CIBAR2: variants seen among roughly 807,000 people sequenced by gnomAD.
The protein encoded by CIBAR2 is CBY1-interacting BAR domain-containing protein 2.
CIBAR2 carries 38 observed loss-of-function variants against 36.2 expected under a neutral mutation model. The observed-to-expected ratio is 1.05, with a 90% CI of 0.81 to 1.38. The LOEUF (loss-of-function observed/expected upper bound fraction) is 1.38, where lower values mean the gene tolerates loss of function less well. Ranked by LOEUF, CIBAR2 falls within the 40% of genes most tolerant of loss-of-function variation. The probability of loss-of-function intolerance (pLI) is 0.00; values close to 1 mark genes in which losing one functional copy is unlikely to be tolerated. For synonymous variants in CIBAR2, 182 were observed against 149.5 expected (o/e 1.22, Z -1.58); for missense variants, 481 against 383.4 (o/e 1.25, Z -2.13).
intron 2 of CIBAR2, 37 bp downstream of exon 2, chr16:85,110,189 C>A (rs1236993892): frequency 6.8e-6 from 10 of 1,476,496 alleles, no homozygotes; most frequent in Non-Finnish European, 9.2e-6. Context: ...AGCCTGGGTA[C>A]CCCTCAGCAT....
intron 5 of CIBAR2, 70 bp downstream of exon 5, chr16:85,107,597 G>C: frequency 6.5e-7 from 1 of 1,543,068 alleles, no homozygotes; most frequent in Non-Finnish European, 9.0e-7. Flanking sequence ...AAGTCTACCT[G>C]GCCGTTTTGT....
Position 85,098,898 on chromosome 16 carries a change from C to T in CIBAR2, c.*287G>A, listed in dbSNP as rs563417939. ...AGAGGCTAGGAGACTTTCCCAAGGT[C>T]ACACCGCCGGGAGCAGTGGGCTCGG... On this transcript the variant is annotated 3_prime_UTR_variant, in exon 9 of 9. Transcript: ENST00000539556. 155 of 273,104 alleles carry T rather than the reference C, an allele frequency of 5.7e-4. 1 individual carries two copies. Among genetic ancestry groups the T allele is most frequent in the South Asian group, 2.2e-3 (36 of 16,058 alleles). 16.9% of individuals were successfully genotyped at this position (273,104 alleles called of 1,614,324 possible). A position where few individuals can be genotyped will look rare whatever the true frequency, so the allele number is the denominator to read the frequency against.
Position 85,100,249 on chromosome 16 carries a change from G to T in CIBAR2, c.652-9C>A, listed in dbSNP as rs373626017. On this transcript the variant is annotated splice_polypyrimidine_tract_variant and intron_variant, in intron 7 of 8. Transcript: ENST00000539556. ...ATCTTGGCTCTAAAATCCTGCCGGG[G>T]AGAGACCAGGGTGGGTGGGATCCGA... is the stretch of plus-strand genomic sequence containing the variant. 243 of 1,591,600 alleles carry T rather than the reference G, an allele frequency of 1.5e-4. 1 individual carries two copies. Among genetic ancestry groups the T allele is most frequent in the Non-Finnish European group, 2.0e-4 (230 of 1,165,628 alleles).
Position 85,111,231 on chromosome 16 carries a change from G to A in CIBAR2, c.21-771C>T, listed in dbSNP as rs949059698. Among the ~76,000 whole-genome samples the A allele has an allele frequency of 2.6e-5, 4 of 152,072 alleles. No individual in the cohort carries two copies. In the East Asian group the frequency reaches 5.8e-4, roughly 22 times the overall value. Reference sequence around the variant, plus strand: ...TCATCAAATCCCTGACTCGAGAAACGCCCTGAGGAGCAGCCCTCTGTCCCG... The same window carrying A: ...TCATCAAATCCCTGACTCGAGAAACACCCTGAGGAGCAGCCCTCTGTCCCG... On this transcript the variant is annotated intron_variant, in intron 1 of 8. Coordinates refer to ENST00000539556, the MANE Select transcript of CIBAR2 (RefSeq NM_198491.3).
In CIBAR2 at chr16:85,098,759, C is replaced by A; in HGVS notation, c.*426G>T. On this transcript the variant is annotated 3_prime_UTR_variant, in exon 9 of 9. Coordinates refer to ENST00000539556, the MANE Select transcript of CIBAR2 (RefSeq NM_198491.3). ...CAACAAGTCTCAAGTGTTTGTTGCGCAACAGGCCGGGTTTTCTGTGCTTCG... is the reference window on the plus strand; with the variant it reads ...CAACAAGTCTCAAGTGTTTGTTGCGAAACAGGCCGGGTTTTCTGTGCTTCG... The A allele has an allele frequency of 2.0e-6, 1 of 493,976 alleles. No individual in the cohort carries two copies. Among genetic ancestry groups the A allele is most frequent in the Non-Finnish European group, 2.6e-6 (1 of 380,840 alleles). 30.6% of individuals were successfully genotyped at this position (493,976 alleles called of 1,614,324 possible).
intron 7 of CIBAR2, among the ~76,000 whole-genome samples, chr16:85,100,940 G>T (rs543267660): frequency 6.6e-6 from 1 of 152,134 alleles, no homozygotes; most frequent in Admixed American, 6.5e-5. Flanking sequence ...CCAGCTACTC[G>T]GGAGGCGGAG....
At chr16:85,109,769 G>A (rs922334067) in intron 2 of CIBAR2, among the ~76,000 whole-genome samples, 3 of 152,242 alleles carry the variant, frequency 2.0e-5, no homozygotes, top group African/African-American at 7.2e-5. Flanking sequence ...AGAGTGCTGA[G>A]ATTACAGGTG....
At chr16:85,104,873 C>G (rs924409868) in intron 6 of CIBAR2, among the ~76,000 whole-genome samples, 1 of 152,100 alleles carries the variant, frequency 6.6e-6, no homozygotes, top group Non-Finnish European at 1.5e-5. Context: ...GCTCTGGGCC[C>G]GGGGCTTTGT....
chr16:85,100,099 G>C (rs370506826), intron 8 of CIBAR2, 40 bp downstream of exon 8: 35 of 1,519,312 alleles, frequency 2.3e-5, no homozygotes, highest in Non-Finnish European at 3.2e-5. Context: ...GGCCGTGCAC[G>C]ACATTTTAGG....
intron 6 of CIBAR2, 149 bp downstream of exon 6, chr16:85,105,177 TA>T: frequency 1.9e-6 from 1 of 531,364 alleles, no homozygotes; most frequent in Non-Finnish European, 3.4e-6. Context: ...TGTGTGGGCA[TA>T]AGCTCACTCA....
chr16:85,104,877 G>A (rs2073983360), intron 6 of CIBAR2, among the ~76,000 whole-genome samples: 1 of 152,308 alleles, frequency 6.6e-6, no homozygotes, highest in Admixed American at 6.5e-5. Context: ...TGGGCCCGGG[G>A]CTTTGTGGTG....
intron 5 of CIBAR2, among the ~76,000 whole-genome samples, chr16:85,105,868 C>T (rs572949670): frequency 2.0e-5 from 3 of 152,202 alleles, no homozygotes; most frequent in East Asian, 1.9e-4. Flanking sequence ...CATCTATAGA[C>T]GCTTACTCCA....
chr16:85,110,704 C>CTTTTTTT (rs746973381), intron 1 of CIBAR2, among the ~76,000 whole-genome samples: 1,142 of 93,622 alleles, frequency 0.012, 26 homozygotes, highest in Non-Finnish European at 0.018. Context: ...CAGACCTGGC[C>CTTTTTTT]TTTTTTTTTT....
chr16:85,105,560 G>T, intron 5 of CIBAR2, 129 bp from the exon 6 acceptor site: 1 of 667,806 alleles, frequency 1.5e-6, no homozygotes, highest in Non-Finnish European at 2.6e-6. Flanking sequence ...GACGTTTCTT[G>T]CTAATTGGGT....
In CIBAR2 at chr16:85,110,312, C is replaced by T. The variant is rs1184201643; in HGVS notation, c.169G>A (p.Ala57Thr). 6.2e-7 allele frequency: 1 copy of T among 1,612,368 alleles called. No homozygotes were observed. Among genetic ancestry groups the T allele is most frequent in the African/African-American group, 1.3e-5 (1 of 74,998 alleles). ...CGCAGCTCGGGGTTCTCGGAGTTGGCAAAGTCGATGAGCTGCTTGACCAGC... is the reference window on the plus strand; with the variant it reads ...CGCAGCTCGGGGTTCTCGGAGTTGGTAAAGTCGATGAGCTGCTTGACCAGC... The part of the protein sequence containing the change: ...DQLVKQLIDF[A>T]NSENPELRAT... The change falls in exon 2 of 9, where the codon GCC (alanine) becomes ACC (threonine). Residue 57 changes from alanine to threonine, a missense_variant. By Grantham distance (58) the Ala-to-Thr change is moderately conservative. Transcript: ENST00000539556.
intron 2 of CIBAR2, among the ~76,000 whole-genome samples, chr16:85,110,002 C>T (rs1439145753): frequency 3.3e-5 from 5 of 152,132 alleles, no homozygotes; most frequent in Non-Finnish European, 7.4e-5. Flanking sequence ...GGTTTCCTTG[C>T]TTTGTTGACC....
At position 85,098,880 on chromosome 16, in the gene CIBAR2, AGG is replaced by A. The variant is rs1229519954; in HGVS notation, c.*303_*304del. The A allele has an allele frequency of 3.9e-6, 1 of 255,744 alleles. No individual in the cohort carries two copies. The highest frequency in any genetic ancestry group is 7.1e-6 in the Non-Finnish European group (1 of 141,416). The allele number at this position is 255,744 out of a possible 1,614,324, so 15.8% of individuals were successfully genotyped here. A position where few individuals can be genotyped will look rare whatever the true frequency, so the allele number is the denominator to read the frequency against. ...GAGGACTCTAAGGCACAGAGAGGCT[AGG>A]AGACTTTCCCAAGGTCACACCGCCG... On this transcript the variant is annotated 3_prime_UTR_variant, in exon 9 of 9. Coordinates refer to ENST00000539556, the MANE Select transcript of CIBAR2 (RefSeq NM_198491.3).
At chr16:85,104,385 C>G (rs561852128) in intron 6 of CIBAR2, among the ~76,000 whole-genome samples, 40 of 152,278 alleles carry the variant, frequency 2.6e-4, no homozygotes, top group African/African-American at 9.6e-4. Flanking sequence ...GGTGCTCAGC[C>G]CAGCGATGAT....
chr16:85,102,122 T>C, intron 7 of CIBAR2, 92 bp downstream of exon 7: 1 of 728,008 alleles, frequency 1.4e-6, no homozygotes, highest in East Asian at 2.5e-5. Flanking sequence ...AGTTGTGAAA[T>C]GTTACCAACA....
Sources: gnomAD v4.1 joint callset for allele counts (sites outside exome capture counted in the v4.1 genomes callset) on GRCh38, gnomAD v4.1.1 for gene constraint, MANE v1.5 for transcripts, NCBI Gene and HGNC (gene_info 2026-07-23, HGNC 2026-07-21) for gene names.